PCDH15: variants seen among roughly 807,000 people sequenced by gnomAD.
The protein encoded by PCDH15 is protocadherin related 15.
PCDH15 carries 129 observed loss-of-function variants against 178.5 expected under a neutral mutation model. The ratio of observed to expected loss-of-function variants is 0.72; its 90% confidence interval spans 0.63 to 0.84. The LOEUF (loss-of-function observed/expected upper bound fraction) is 0.84, where lower values mean the gene tolerates loss of function less well. PCDH15 is among the 40% of genes least tolerant of loss of function. PCDH15 has a pLI of 0.00. For synonymous variants in PCDH15, 800 were observed against 732.0 expected (o/e 1.09, Z -1.50); for missense variants, 2,230 against 2,099.9 (o/e 1.06, Z -1.21).
intron 3 of PCDH15, among the ~76,000 whole-genome samples, chr10:54,862,682 G>T (rs995242836): frequency 6.6e-6 from 1 of 152,154 alleles, no homozygotes; most frequent in Non-Finnish European, 1.5e-5. Flanking sequence ...TCCCTTAAAA[G>T]TAGGTCATTT....
chr10:55,466,105 C>G (rs945858186), intron 2 of PCDH15, among the ~76,000 whole-genome samples: 1 of 152,034 alleles, frequency 6.6e-6, no homozygotes, highest in African/African-American at 2.4e-5. Flanking sequence ...GGGGAGCCAG[C>G]CAATACGAAA....
intron 1 of PCDH15, among the ~76,000 whole-genome samples, chr10:54,749,222 T>TA (rs1489860856): frequency 2.0e-5 from 3 of 152,134 alleles, no homozygotes; most frequent in Non-Finnish European, 4.4e-5. Context: ...TTTAAGCCAT[T>TA]AAAAAATGTA....
At chr10:55,421,317 A>T (rs1352174424) in intron 2 of PCDH15, among the ~76,000 whole-genome samples, 1 of 151,246 alleles carries the variant, frequency 6.6e-6, no homozygotes, top group Non-Finnish European at 1.5e-5. Context: ...TAAATTTTTT[A>T]AATGAGATAA....
In PCDH15 at chr10:54,969,673, G is replaced by C. The variant is rs1838883079; in HGVS notation, c.-79-72173C>G. 3.3e-5 allele frequency among the ~76,000 whole-genome samples: 5 copies of C among 152,246 alleles called. No homozygotes were observed. In the South Asian group the frequency reaches 1.0e-3, roughly 32 times the overall value. On this transcript the variant is annotated intron_variant, in intron 2 of 5. Transcript: ENST00000458638. The stretch of plus-strand genomic sequence containing the variant: ...CCTACTTTTGCCTCCTAAACTCAGA[G>C]ATACCTTCATGCTTCACCTGGATTA...
chr10:54,334,137 G>A lies in PCDH15; in HGVS notation c.595-4431C>T, dbSNP rs76988994. Among the ~76,000 whole-genome samples the A allele has an allele frequency of 2.2e-3, 335 of 152,130 alleles. 3 individuals are homozygous for A. The highest frequency in any genetic ancestry group is 7.4e-3 in the African/African-American group (308 of 41,500). ...TGGTTAAATGATTTAATACCCACAC[G>A]CCCCAAACACCTGGCCTCCATTAAG... is the stretch of plus-strand genomic sequence containing the variant. On this transcript the variant is annotated intron_variant, in intron 6 of 37. Transcript: ENST00000644397.
intron 3 of PCDH15, among the ~76,000 whole-genome samples, chr10:54,517,169 C>G (rs1254666242): frequency 1.3e-5 from 2 of 152,072 alleles, no homozygotes. Flanking sequence ...GCAAAATAAC[C>G]AGCTAACATC....
At chr10:54,025,065 T>A (rs933925428) in intron 18 of PCDH15, among the ~76,000 whole-genome samples, 3 of 152,184 alleles carry the variant, frequency 2.0e-5, no homozygotes, top group Non-Finnish European at 4.4e-5. Flanking sequence ...TTCAAGTTGT[T>A]TTTATTGACC....
At chr10:53,935,458 G>A (rs2085486962) in intron 25 of PCDH15, among the ~76,000 whole-genome samples, 3 of 152,266 alleles carry the variant, frequency 2.0e-5, no homozygotes, top group Admixed American at 2.0e-4. Flanking sequence ...AAAAAAAAGT[G>A]TACCATGTAA....
intron 2 of PCDH15, among the ~76,000 whole-genome samples, chr10:55,448,170 CAG>C (rs1199160970): frequency 6.6e-6 from 1 of 151,912 alleles, no homozygotes; most frequent in African/African-American, 2.4e-5. Flanking sequence ...AAAAAGGAGA[CAG>C]GGGGATCGTA....
At chr10:54,853,435 A>G (rs1953678538) in intron 3 of PCDH15, among the ~76,000 whole-genome samples, 1 of 139,002 alleles carries the variant, frequency 7.2e-6, no homozygotes, top group Non-Finnish European at 1.6e-5. Context: ...ATATATACAC[A>G]TACACATATA....
chr10:54,357,088 T>A (rs1945133624), intron 5 of PCDH15, among the ~76,000 whole-genome samples: 1 of 152,122 alleles, frequency 6.6e-6, no homozygotes, highest in African/African-American at 2.4e-5. Context: ...GCATTCCCTT[T>A]GAAAATGGGC....
intron 2 of PCDH15, among the ~76,000 whole-genome samples, chr10:55,155,970 C>G (rs1209433321): frequency 6.6e-6 from 1 of 152,080 alleles, no homozygotes; most frequent in African/African-American, 2.4e-5. Context: ...AGAGCTGCAG[C>G]TGAATCATCC....
intron 1 of PCDH15, among the ~76,000 whole-genome samples, chr10:54,777,027 A>T (rs1291524937): frequency 2.0e-5 from 3 of 152,158 alleles, no homozygotes; most frequent in East Asian, 3.9e-4. Context: ...TCTTCTCATT[A>T]TTTTTACTCA....
chr10:54,891,098 A>G (rs1183167581), intron 3 of PCDH15, among the ~76,000 whole-genome samples: 1 of 152,142 alleles, frequency 6.6e-6, no homozygotes, highest in Non-Finnish European at 1.5e-5. Context: ...AATAGAGGAC[A>G]TGGTTGAGAA....
intron 2 of PCDH15, among the ~76,000 whole-genome samples, chr10:54,937,103 C>T (rs1000708834): frequency 6.6e-6 from 1 of 151,816 alleles, no homozygotes; most frequent in African/African-American, 2.4e-5. Flanking sequence ...AAAGATTTAC[C>T]CCATTGAAAT....
chr10:53,991,965 C>T (rs1158249204), intron 21 of PCDH15, among the ~76,000 whole-genome samples: 3 of 152,090 alleles, frequency 2.0e-5, no homozygotes, highest in African/African-American at 2.4e-5. Flanking sequence ...GCTCGGGTCC[C>T]CTTCCACCCT....
At chr10:54,637,951 C>G (rs781776049) in intron 2 of PCDH15, among the ~76,000 whole-genome samples, 2 of 152,014 alleles carry the variant, frequency 1.3e-5, no homozygotes, top group Non-Finnish European at 2.9e-5. Context: ...GTGGACAATA[C>G]TCAGATCTAC....
intron 1 of PCDH15, among the ~76,000 whole-genome samples, chr10:55,287,438 T>G (rs1206535471): frequency 6.6e-6 from 1 of 152,074 alleles, no homozygotes; most frequent in South Asian, 2.1e-4. Flanking sequence ...AATTAGTGAT[T>G]TGAAAAGTGT....
chr10:54,199,660 C>T (rs1057044849), intron 10 of PCDH15, among the ~76,000 whole-genome samples: 1 of 151,418 alleles, frequency 6.6e-6, no homozygotes, highest in African/African-American at 2.4e-5. Context: ...TTCTTCCATA[C>T]AATATAAATA....
Sources: gnomAD v4.1 joint callset for allele counts (sites outside exome capture counted in the v4.1 genomes callset) on GRCh38, gnomAD v4.1.1 for gene constraint, MANE v1.5 for transcripts, NCBI Gene and HGNC (gene_info 2026-07-23, HGNC 2026-07-21) for gene names.